The following XYLB variants were observed in gnomAD, a reference collection of about 807,000 sequenced individuals.
XYLB encodes xylulokinase.
A neutral mutation model predicts 78.7 loss-of-function variants in XYLB; 62 were observed. The observed-to-expected ratio is 0.79, with a 90% CI of 0.64 to 0.97. The LOEUF (loss-of-function observed/expected upper bound fraction) is 0.97, where lower values mean the gene tolerates loss of function less well. XYLB is among the 50% of genes least tolerant of loss of function. The pLI is 0.00. For synonymous variants in XYLB, 245 were observed against 247.4 expected (o/e 0.99, Z 0.09); for missense variants, 687 against 676.8 (o/e 1.02, Z -0.17).
In XYLB at chr3:38,413,447, G is replaced by A. The variant is rs951607447; in HGVS notation, c.*434G>A. 3.2e-5 allele frequency: 5 copies of A among 156,560 alleles called. No homozygotes were observed. The highest frequency in any genetic ancestry group is 4.8e-5 in the African/African-American group (2 of 41,482). The allele number at this position is 156,560 out of a possible 1,614,324, so 9.7% of individuals were successfully genotyped here. ...CTGACTGCCCACTCCTCCACAAACC[G>A]TGACCCATAGCCGCCCCCACCCCAT... is the stretch of plus-strand genomic sequence containing the variant. On this transcript the variant is annotated 3_prime_UTR_variant, in exon 19 of 19. Transcript: ENST00000207870.
chr3:38,411,984 C>CTTTTTTTTTTTTTTTTTTT (rs5848424), intron 18 of XYLB, among the ~76,000 whole-genome samples: 1 of 138,196 alleles, frequency 7.2e-6, no homozygotes, highest in Non-Finnish European at 1.6e-5. Flanking sequence ...GATCTCAACT[C>CTTTTTTTTTTTTTTTTTTT]TTTTTTTTTT....
At position 38,372,672 on chromosome 3, in the gene XYLB, C is replaced by T. The variant is rs1706632955; in HGVS notation, c.783C>T (p.Tyr261=). 3 of 1,614,068 alleles carry T rather than the reference C, an allele frequency of 1.9e-6. No individual in the cohort carries two copies. The African/African-American group carries it at 4.0e-5, about 22-fold the overall frequency. ...SCSVVGAISS[Y]YVQRYGFPPG... is the part of the protein sequence containing the mutation. ...TCCCTCAGGGAGCCATTTCTTCCTA[C>T]TACGTCCAGCGCTACGGATTTCCTC... Residue 261 remains tyrosine, a synonymous_variant, in exon 10 of 19, where the codon TAC becomes TAT. Coordinates refer to ENST00000207870, the MANE Select transcript of XYLB (RefSeq NM_005108.4).
the XYLB span, among the ~76,000 whole-genome samples, chr3:38,442,439 C>T: frequency 6.6e-6 from 1 of 152,158 alleles, no homozygotes; most frequent in South Asian, 2.1e-4. Flanking sequence ...ACCCTTGGGG[C>T]AAGACCGTCC....
chr3:38,426,945 C>G, the XYLB span, among the ~76,000 whole-genome samples: 2 of 152,168 alleles, frequency 1.3e-5, no homozygotes, highest in Non-Finnish European at 2.9e-5. Context: ...AAACCACAAA[C>G]GATAGCAGGA....
the XYLB span, among the ~76,000 whole-genome samples, chr3:38,444,062 G>A: frequency 4.2e-4 from 64 of 152,200 alleles, no homozygotes; most frequent in Middle Eastern, 0.01. Context: ...CCAAACTCTC[G>A]GGTTGCAGCT....
Position 38,395,532 on chromosome 3 carries a change from G to A in XYLB, c.1319G>A (p.Gly440Glu). ...TCCAAGACAAAGATTTTGGCCACAG[G>A]AGGAGCATCTCACAATAGAGAAATC... is the stretch of plus-strand genomic sequence containing the variant. Reference protein sequence around the residue: ...VMSKTKILATGGASHNREILQ... With the variant: ...VMSKTKILATEGASHNREILQ... Residue 440 changes from glycine (G) to glutamate (E), a missense_variant, in exon 16 of 19, where the codon GGA becomes GAA. By Grantham distance (98) the Gly-to-Glu change is moderately conservative. Transcript: ENST00000207870. 1 of 1,614,226 alleles carries A rather than the reference G, an allele frequency of 6.2e-7. No homozygotes were observed. Among genetic ancestry groups the A allele is most frequent in the African/African-American group, 1.3e-5 (1 of 75,048 alleles).
At chr3:38,411,827 A>G (rs1480415934) in intron 18 of XYLB, among the ~76,000 whole-genome samples, 1 of 151,876 alleles carries the variant, frequency 6.6e-6, no homozygotes, top group Non-Finnish European at 1.5e-5. Flanking sequence ...AACCATAACT[A>G]CCTGGTGAGA....
intron 18 of XYLB, among the ~76,000 whole-genome samples, chr3:38,406,393 C>T (rs2125668011): frequency 6.6e-6 from 1 of 152,300 alleles, no homozygotes; most frequent in African/African-American, 2.4e-5. Flanking sequence ...TGTACATCAC[C>T]ATCATCAGAG....
At chr3:38,360,936 G>A (rs1319496690) in intron 3 of XYLB, among the ~76,000 whole-genome samples, 3 of 152,202 alleles carry the variant, frequency 2.0e-5, no homozygotes, top group Non-Finnish European at 4.4e-5. Context: ...TCAGGAGGCT[G>A]AGGTAGGAGA....
chr3:38,433,307 C>G, the XYLB span, among the ~76,000 whole-genome samples: 2 of 152,210 alleles, frequency 1.3e-5, no homozygotes, highest in East Asian at 3.9e-4. Flanking sequence ...CCTCCTAGGC[C>G]TCCAGGCCTG....
At chr3:38,368,446 C>T (rs532276838) in intron 8 of XYLB, among the ~76,000 whole-genome samples, 189 bp downstream of exon 8, 1 of 152,324 alleles carries the variant, frequency 6.6e-6, no homozygotes, top group East Asian at 1.9e-4. Context: ...CAGCTGAAGA[C>T]CACCGTGTTT....
At position 38,397,289 on chromosome 3, in the gene XYLB, C is replaced by T. The variant is rs1707914032; in HGVS notation, c.1438+130C>T. 3 of 820,274 alleles carry T rather than the reference C, an allele frequency of 3.7e-6. No homozygotes were observed. The South Asian group carries it at 4.5e-5, about 12-fold the overall frequency. 50.8% of individuals were successfully genotyped at this position (820,274 alleles called of 1,614,324 possible). A position where few individuals can be genotyped will look rare whatever the true frequency, so the allele number is the denominator to read the frequency against. On this transcript the variant is annotated intron_variant, in intron 17 of 18. Transcript: ENST00000207870. ...ATTGGAGTCTTGGGGACTTCAGCTTCATTTTTCTAGCTCCCAGCAGGTGAG... is the reference window on the plus strand; with the variant it reads ...ATTGGAGTCTTGGGGACTTCAGCTTTATTTTTCTAGCTCCCAGCAGGTGAG...
chr3:38,392,292 G>A (rs976711202), intron 15 of XYLB, among the ~76,000 whole-genome samples: 4 of 152,066 alleles, frequency 2.6e-5, no homozygotes, highest in African/African-American at 7.2e-5. Flanking sequence ...CTTAATTAAC[G>A]ATGATTTTGT....
rs141069426 is a variant in XYLB at position 38,374,463 on chromosome 3, G to A, written c.849G>A (p.Ala283=). The A allele has an allele frequency of 7.3e-5, 118 of 1,614,064 alleles. No individual in the cohort carries two copies. The Middle Eastern group carries it at 2.3e-3, about 32-fold the overall frequency. ...KVVAFTGDNP[A]SLAGMRLEEG... ...CAGAAGCTCCCCTCCCATTCTCAGC[G>A]TCGCTGGCAGGCATGAGACTGGAGG... The change falls in exon 11 of 19, where the codon GCG becomes GCA. Residue 283 remains alanine, a splice_region_variant and synonymous_variant. Coordinates refer to ENST00000207870, the MANE Select transcript of XYLB (RefSeq NM_005108.4).
At chr3:38,348,666 G>A in intron 2 of XYLB, 34 bp downstream of exon 2, 3 of 1,608,236 alleles carry the variant, frequency 1.9e-6, no homozygotes, top group Non-Finnish European at 2.6e-6. Flanking sequence ...GTGTGATGGG[G>A]GTGTTGGTTT....
chr3:38,419,236 A>T (rs1044838934), downstream of XYLB, among the ~76,000 whole-genome samples: 3 of 152,138 alleles, frequency 2.0e-5, no homozygotes, highest in Non-Finnish European at 4.4e-5. Flanking sequence ...TTAAATTTAA[A>T]GGTTCATTCA....
intron 8 of XYLB, among the ~76,000 whole-genome samples, chr3:38,368,650 A>G (rs942937709): frequency 6.6e-6 from 1 of 152,222 alleles, no homozygotes; most frequent in Non-Finnish European, 1.5e-5. Context: ...AGTTCCTCAC[A>G]TGTGGCTGTT....
rs994761564 is a variant in XYLB at position 38,347,028 on chromosome 3, G to C, written c.57+103G>C. On this transcript the variant is annotated intron_variant, in intron 1 of 18. Coordinates refer to ENST00000207870, the MANE Select transcript of XYLB (RefSeq NM_005108.4). ...CGCGGGAAAACATGGGCCCGGCCGC[G>C]GGCGCGCCTACCTCTCGGGCTTCCC... 32 of 1,192,776 alleles carry C rather than the reference G, an allele frequency of 2.7e-5. No homozygotes were observed. The African/African-American group carries it at 5.1e-4, about 19-fold the overall frequency. 73.9% of individuals were successfully genotyped at this position (1,192,776 alleles called of 1,614,324 possible). A position where few individuals can be genotyped will look rare whatever the true frequency, so the allele number is the denominator to read the frequency against.
intron 2 of XYLB, among the ~76,000 whole-genome samples, chr3:38,359,167 T>C (rs1093690): frequency 0.89 from 136,176 of 152,344 alleles, 61,459 homozygotes; most frequent in East Asian, 1. Flanking sequence ...TGAAAGCATT[T>C]CTTATGGGAA....
Sources: allele counts gnomAD v4.1 joint callset (sites outside exome capture counted in the v4.1 genomes callset), GRCh38; gene constraint gnomAD v4.1.1; transcripts MANE v1.5; gene names NCBI Gene and HGNC (gene_info 2026-07-23, HGNC 2026-07-21).